Variants in TDRD3 observed in about 807,000 individuals in gnomAD.
TDRD3 encodes tudor domain-containing protein 3.
Under a neutral mutation model 86.7 loss-of-function variants are expected in TDRD3, and 45 were observed. That is an observed-to-expected ratio of 0.52 (90% CI 0.41 to 0.67). TDRD3 has a LOEUF of 0.67. TDRD3 is among the 30% of genes least tolerant of loss of function. The probability of loss-of-function intolerance (pLI) is 0.00; values close to 1 mark genes in which losing one functional copy is unlikely to be tolerated. For synonymous variants in TDRD3, 298 were observed against 301.7 expected (o/e 0.99, Z 0.13); for missense variants, 814 against 889.0 (o/e 0.92, Z 1.07).
intron 3 of TDRD3, among the ~76,000 whole-genome samples, chr13:60,453,356 C>T (rs1170486485): frequency 6.6e-6 from 1 of 152,140 alleles, no homozygotes. Flanking sequence ...TTTTCCTAGC[C>T]AATTCAGTTC....
intron 11 of TDRD3, among the ~76,000 whole-genome samples, chr13:60,533,534 G>A (rs947343921): frequency 2.0e-5 from 3 of 151,910 alleles, no homozygotes; most frequent in East Asian, 1.9e-4. Context: ...CCAGCTACTC[G>A]GGAGCCTGAG....
chr13:60,524,959 C>T (rs1370075024), intron 10 of TDRD3, among the ~76,000 whole-genome samples: 3 of 150,208 alleles, frequency 2.0e-5, no homozygotes, highest in East Asian at 4.1e-4. Flanking sequence ...TGGTGGCAGG[C>T]GCCTGTAATC....
At chr13:60,569,168 C>A (rs1182032482) in intron 13 of TDRD3, among the ~76,000 whole-genome samples, 1 of 152,010 alleles carries the variant, frequency 6.6e-6, no homozygotes, top group Admixed American at 6.6e-5. Context: ...GGGGTTTTGC[C>A]ATGTTGCCCA....
intron 6 of TDRD3, chr13:60,484,756 T>C (rs1408530350): frequency 2.2e-6 from 1 of 449,522 alleles, no homozygotes; most frequent in Non-Finnish European, 4.5e-6. Flanking sequence ...TCCATGTTGA[T>C]GGTTGGTATT....
At chr13:60,474,019 C>G (rs909472326) in intron 5 of TDRD3, among the ~76,000 whole-genome samples, 1 of 152,316 alleles carries the variant, frequency 6.6e-6, no homozygotes, top group East Asian at 1.9e-4. Context: ...ATCCAGAGGC[C>G]TGACTGTCTC....
At chr13:60,568,379 G>A (rs1958512432) in intron 13 of TDRD3, among the ~76,000 whole-genome samples, 1 of 152,158 alleles carries the variant, frequency 6.6e-6, no homozygotes, top group Non-Finnish European at 1.5e-5. Context: ...TGTCACAGAA[G>A]AGCTACTTCT....
At chr13:60,474,885 G>GTTT in intron 5 of TDRD3, among the ~76,000 whole-genome samples, 1 of 147,888 alleles carries the variant, frequency 6.8e-6, no homozygotes, top group Non-Finnish European at 1.5e-5. Flanking sequence ...TTGTCAGAAT[G>GTTT]TTTTTTTTTT....
At chr13:60,454,413 T>C (rs1955617519) in intron 3 of TDRD3, among the ~76,000 whole-genome samples, 1 of 152,232 alleles carries the variant, frequency 6.6e-6, no homozygotes, top group Non-Finnish European at 1.5e-5. Flanking sequence ...TTAATATTTC[T>C]CAATCTTCGT....
At chr13:60,404,567 C>T (rs1037590919) in intron 1 of TDRD3, among the ~76,000 whole-genome samples, 1 of 151,910 alleles carries the variant, frequency 6.6e-6, no homozygotes, top group African/African-American at 2.4e-5. Flanking sequence ...GCCTCGGCCT[C>T]CCAAAGTGCT....
At chr13:60,492,919 T>G (rs1355336599) in intron 7 of TDRD3, among the ~76,000 whole-genome samples, 4 of 141,410 alleles carry the variant, frequency 2.8e-5, no homozygotes, top group African/African-American at 1.0e-4. Context: ...TTTCTTTTCT[T>G]TTTTTTTTTT....
chr13:60,430,304 C>G (rs879265196), intron 1 of TDRD3, among the ~76,000 whole-genome samples: 42 of 152,080 alleles, frequency 2.8e-4, no homozygotes, highest in African/African-American at 1.0e-3. Flanking sequence ...TTGAGAGACC[C>G]TCAGCATGGA....
chr13:60,486,222 T>A (rs1050805121), intron 7 of TDRD3, among the ~76,000 whole-genome samples: 17 of 152,112 alleles, frequency 1.1e-4, no homozygotes, highest in African/African-American at 3.9e-4. Context: ...TTTTATACAA[T>A]GTAGTAACTG....
At chr13:60,471,751 GT>G (rs200821042) in intron 5 of TDRD3, among the ~76,000 whole-genome samples, 56 of 151,298 alleles carry the variant, frequency 3.7e-4, no homozygotes, top group African/African-American at 1.3e-3. Flanking sequence ...TATTCTAACA[GT>G]TTTTTTTTCT....
intron 3 of TDRD3, among the ~76,000 whole-genome samples, chr13:60,452,697 C>G (rs1026559364): frequency 1.3e-5 from 2 of 152,010 alleles, no homozygotes; most frequent in Non-Finnish European, 2.9e-5. Context: ...TGTCCTTCCA[C>G]TTACTATTAG....
intron 3 of TDRD3, among the ~76,000 whole-genome samples, chr13:60,453,389 A>G (rs1955592117): frequency 6.6e-6 from 1 of 152,248 alleles, no homozygotes; most frequent in South Asian, 2.1e-4. Flanking sequence ...TCTGGTTACC[A>G]ATCAATACAT....
At chr13:60,439,853 T>C (rs933928981) in intron 2 of TDRD3, 81 bp downstream of exon 2, 2 of 898,848 alleles carry the variant, frequency 2.2e-6, no homozygotes, top group African/African-American at 3.4e-5. Flanking sequence ...AATTGGGTTA[T>C]ATGATAACAA....
intron 4 of TDRD3, among the ~76,000 whole-genome samples, chr13:60,463,028 T>A (rs1398075457): frequency 6.6e-6 from 1 of 152,188 alleles, no homozygotes; most frequent in Non-Finnish European, 1.5e-5. Context: ...AAGGATAGTC[T>A]CTTTAATAAA....
At chr13:60,480,556 T>C (rs1189835498) in intron 5 of TDRD3, among the ~76,000 whole-genome samples, 2 of 152,254 alleles carry the variant, frequency 1.3e-5, no homozygotes, top group Non-Finnish European at 2.9e-5. Flanking sequence ...TTGGAAAAGT[T>C]CTGTGGATTC....
chr13:60,494,374 T>A, intron 7 of TDRD3, 61 bp from the exon 8 acceptor site: 1 of 1,449,122 alleles, frequency 6.9e-7, no homozygotes, highest in East Asian at 2.3e-5. Context: ...ATAGCTTAGT[T>A]TTTAGAACTA....
Sources: allele counts gnomAD v4.1 joint callset (sites outside exome capture counted in the v4.1 genomes callset), GRCh38; gene constraint gnomAD v4.1.1; transcripts MANE v1.5; gene names NCBI Gene and HGNC (gene_info 2026-07-23, HGNC 2026-07-21).